The following BACH2 variants were observed in gnomAD, a reference collection of about 807,000 sequenced individuals.
The protein encoded by BACH2 is transcription regulator protein BACH2.
Under a neutral mutation model 61.8 loss-of-function variants are expected in BACH2, and 5 were observed. That is an observed-to-expected ratio of 0.08 (90% confidence interval 0.04 to 0.17). BACH2 has a LOEUF of 0.17. BACH2 is among the 10% of genes least tolerant of loss of function. The pLI, the probability that BACH2 is intolerant of heterozygous loss-of-function variation, is 1.00. For synonymous variants in BACH2, 446 were observed against 440.1 expected (o/e 1.01, Z -0.17); for missense variants, 824 against 1,091.1 (o/e 0.76, Z 3.45).
At chr6:90,272,624 C>A (rs1375629336) in intron 1 of BACH2, among the ~76,000 whole-genome samples, 2 of 152,188 alleles carry the variant, frequency 1.3e-5, no homozygotes, top group African/African-American at 2.4e-5. Context: ...TCTGCAATAG[C>A]AGAATTATCC....
chr6:90,089,506 G>C (rs1782071902), intron 4 of BACH2, among the ~76,000 whole-genome samples: 1 of 152,104 alleles, frequency 6.6e-6, no homozygotes, highest in South Asian at 2.1e-4. Flanking sequence ...ATTGTAAATA[G>C]AAGAGATTTG....
intron 7 of BACH2, among the ~76,000 whole-genome samples, chr6:89,949,894 C>A (rs1483680446): frequency 6.6e-6 from 1 of 151,512 alleles, no homozygotes; most frequent in African/African-American, 2.4e-5. Flanking sequence ...GGGTGAAGGG[C>A]AAGGATGAGG....
intron 4 of BACH2, among the ~76,000 whole-genome samples, chr6:90,094,107 T>G (rs2127809180): frequency 1.3e-5 from 2 of 152,332 alleles, no homozygotes; most frequent in African/African-American, 4.8e-5. Context: ...AGGAACCGCA[T>G]TCTGAAGCTA....
Position 89,950,326 on chromosome 6 carries a change from C to T in BACH2, c.1780G>A (p.Gly594Arg). The T allele has an allele frequency of 1.2e-6, 2 of 1,614,118 alleles. No homozygotes were observed. The highest frequency in any genetic ancestry group is 1.7e-6 in the Non-Finnish European group (2 of 1,180,024). The change falls in exon 7 of 9, where the codon GGA becomes AGA. Residue 594 changes from glycine (G) to arginine (R), a missense_variant. By Grantham distance (125) the Gly-to-Arg change is moderately radical. Around this residue, in one of 8 missense-constraint regions of BACH2, gnomAD observed 160 missense variants for 283.5 expected, o/e 0.56. Transcript: ENST00000257749. This position sits in a 1 kb window ranked among gnomAD's most constrained non-coding sequence, Gnocchi z 5.3. ...TCACTGTCTGCTTCCGAGAACGATC[C>T]GGATTCGTCACTGGAGTTGGTTCCA... ...SYGTNSSDES[G>R]SFSEADSESC...
At chr6:90,201,616 T>C (rs1419459949) in intron 4 of BACH2, among the ~76,000 whole-genome samples, 1 of 152,242 alleles carries the variant, frequency 6.6e-6, no homozygotes, top group Non-Finnish European at 1.5e-5. Context: ...GTCTTTTATC[T>C]TTCAGAATAG....
At chr6:90,090,504 C>T (rs888369907) in intron 4 of BACH2, among the ~76,000 whole-genome samples, 3 of 152,066 alleles carry the variant, frequency 2.0e-5, no homozygotes, top group Non-Finnish European at 2.9e-5. Flanking sequence ...TTGCTCCTCA[C>T]GCAACTTAAC....
At chr6:89,945,017 A>C (rs1023350951) in intron 7 of BACH2, among the ~76,000 whole-genome samples, 1 of 152,220 alleles carries the variant, frequency 6.6e-6, no homozygotes, top group African/African-American at 2.4e-5. Flanking sequence ...AAAGATGGGC[A>C]ATAACAAGTG....
intron 4 of BACH2, among the ~76,000 whole-genome samples, chr6:90,191,649 AG>A (rs1397740927): frequency 6.6e-6 from 1 of 152,204 alleles, no homozygotes; most frequent in Non-Finnish European, 1.5e-5. Context: ...TCATTACTTA[AG>A]GGTCTCTGCG....
chr6:90,246,487 T>C (rs1464613653), intron 3 of BACH2, among the ~76,000 whole-genome samples: 3 of 152,156 alleles, frequency 2.0e-5, no homozygotes, highest in African/African-American at 7.2e-5. Context: ...ATGCGTTACA[T>C]TCCTCCCTAT....
intron 4 of BACH2, among the ~76,000 whole-genome samples, chr6:90,138,286 C>T (rs1268704807): frequency 2.0e-5 from 3 of 152,206 alleles, no homozygotes; most frequent in African/African-American, 7.2e-5. Flanking sequence ...GTGGATCACC[C>T]AAGGTCAGGA....
intron 5 of BACH2, among the ~76,000 whole-genome samples, chr6:90,085,711 G>C (rs1397012524): frequency 2.6e-5 from 4 of 152,142 alleles, no homozygotes; most frequent in Admixed American, 2.6e-4. Context: ...GGAGGTGTGA[G>C]AGACATAATG....
intron 2 of BACH2, among the ~76,000 whole-genome samples, chr6:90,255,043 G>A (rs1317817591): frequency 2.6e-5 from 4 of 152,154 alleles, no homozygotes; most frequent in Non-Finnish European, 5.9e-5. Flanking sequence ...AAACTTCAGA[G>A]CCCTAATAGA....
chr6:90,073,211 G>T (rs1464922776), intron 5 of BACH2, among the ~76,000 whole-genome samples: 2 of 152,192 alleles, frequency 1.3e-5, no homozygotes, highest in Non-Finnish European at 2.9e-5. Flanking sequence ...AGGTTAGAAG[G>T]CATGTTTACT....
intron 6 of BACH2, among the ~76,000 whole-genome samples, chr6:89,987,199 T>A (rs28516076): frequency 5.9e-5 from 9 of 152,090 alleles, no homozygotes; most frequent in Middle Eastern, 3.2e-3. Context: ...GTATCAGGAT[T>A]AAAAAAATCA....
At chr6:90,219,546 CTT>C (rs914666981) in intron 3 of BACH2, among the ~76,000 whole-genome samples, 2 of 152,194 alleles carry the variant, frequency 1.3e-5, no homozygotes, top group African/African-American at 4.8e-5. Context: ...ACAAAGAAAA[CTT>C]TACCTGACAT....
chr6:90,116,017 C>A (rs1783383308), intron 4 of BACH2, among the ~76,000 whole-genome samples: 1 of 151,976 alleles, frequency 6.6e-6, no homozygotes, highest in South Asian at 2.1e-4. Context: ...AACATTCTGG[C>A]AAAGTTGCAG....
chr6:90,054,618 G>A (rs1234287748), intron 5 of BACH2, among the ~76,000 whole-genome samples: 3 of 152,242 alleles, frequency 2.0e-5, no homozygotes, highest in Non-Finnish European at 1.5e-5. Flanking sequence ...CAGCTTTGAA[G>A]AGAGTAGTGG....
intron 4 of BACH2, among the ~76,000 whole-genome samples, chr6:90,108,404 C>T (rs1783018715): frequency 6.6e-6 from 1 of 152,208 alleles, no homozygotes. Flanking sequence ...GACATTTTAA[C>T]TCCAGAGCCA....
intron 4 of BACH2, among the ~76,000 whole-genome samples, chr6:90,186,966 A>C (rs1768379823): frequency 6.6e-6 from 1 of 152,228 alleles, no homozygotes; most frequent in Non-Finnish European, 1.5e-5. Flanking sequence ...ATTAAGTGTG[A>C]AATCAAAAGC....
Sources: gnomAD v4.1 joint callset for allele counts (sites outside exome capture counted in the v4.1 genomes callset) on GRCh38, gnomAD v4.1.1 for gene constraint, gnomAD v4.1.1 regional missense constraint, Gnocchi (gnomAD v3.1) non-coding constraint, MANE v1.5 for transcripts, NCBI Gene and HGNC (gene_info 2026-07-23, HGNC 2026-07-21) for gene names.